SPOPL: variants seen among roughly 807,000 people sequenced by gnomAD.
SPOPL encodes speckle type BTB/POZ protein like, also known as speckle-type POZ protein-like.
SPOPL carries 23 observed loss-of-function variants against 53.8 expected under a neutral mutation model. That is an observed-to-expected ratio of 0.43 (90% confidence interval 0.31 to 0.61). SPOPL has a LOEUF of 0.61. Among genes scored for constraint, SPOPL ranks in the 20% least tolerant of loss-of-function variants. The probability of loss-of-function intolerance (pLI) is 0.12; values close to 1 mark genes in which losing one functional copy is unlikely to be tolerated. For synonymous variants in SPOPL, 164 were observed against 149.7 expected (o/e 1.10, Z -0.70); for missense variants, 442 against 466.9 (o/e 0.95, Z 0.49).
intron 1 of SPOPL, among the ~76,000 whole-genome samples, chr2:138,535,506 G>A (rs1048456158): frequency 5.5e-5 from 8 of 146,592 alleles, no homozygotes; most frequent in Admixed American, 2.0e-4. Flanking sequence ...CCTCGTCAAT[G>A]CAGGTGATTC....
intron 1 of SPOPL, among the ~76,000 whole-genome samples, chr2:138,538,531 C>T (rs1573889692): frequency 6.6e-6 from 1 of 152,302 alleles, no homozygotes; most frequent in Admixed American, 6.5e-5. Flanking sequence ...CTCTCTTCTG[C>T]ATGAAATACC....
intron 1 of SPOPL, among the ~76,000 whole-genome samples, chr2:138,503,942 GTCT>G (rs1684160179): frequency 6.6e-6 from 1 of 152,136 alleles, no homozygotes; most frequent in Admixed American, 6.5e-5. Flanking sequence ...ATATTCACAT[GTCT>G]TCTTGGCTTG....
At position 138,546,660 on chromosome 2, in the gene SPOPL, A is replaced by C. The variant is rs1206883302; in HGVS notation, c.-60-3497A>C. 2.0e-5 allele frequency among the ~76,000 whole-genome samples: 3 copies of C among 152,234 alleles called. No homozygotes were observed. The East Asian group carries it at 5.8e-4, about 29-fold the overall frequency. ...TAAGTTTTGTAAAATATGGAAGGGC[A>C]GCATGATTCTATGGAAAGAGCATTG... is the stretch of plus-strand genomic sequence containing the variant. On this transcript the variant is annotated intron_variant, in intron 1 of 10. Coordinates refer to ENST00000280098, the MANE Select transcript of SPOPL (RefSeq NM_001001664.3).
At chr2:138,518,610 C>G (rs1684495440) in intron 1 of SPOPL, among the ~76,000 whole-genome samples, 1 of 152,162 alleles carries the variant, frequency 6.6e-6, no homozygotes, top group Non-Finnish European at 1.5e-5. Context: ...AGATATAGAT[C>G]ATTTCCATTA....
chr2:138,521,365 C>CTT (rs58220797), intron 1 of SPOPL, among the ~76,000 whole-genome samples: 19 of 134,796 alleles, frequency 1.4e-4, no homozygotes, highest in African/African-American at 4.3e-4. Context: ...GACCCCAGAG[C>CTT]TTTTTTTTTT....
At chr2:138,526,679 G>A (rs1353363868) in intron 1 of SPOPL, among the ~76,000 whole-genome samples, 1 of 151,060 alleles carries the variant, frequency 6.6e-6, no homozygotes, top group African/African-American at 2.4e-5. Context: ...AGTATGTGTT[G>A]TCTGAAAATG....
In SPOPL at chr2:138,570,920, C is replaced by A. The variant is rs1251307544; in HGVS notation, c.*1840C>A. The stretch of plus-strand genomic sequence containing the variant: ...TCATTACTTTCTATGTAGTTTCATT[C>A]TTTGTCGTGGTAACTTAAATTTGAA... On this transcript the variant is annotated 3_prime_UTR_variant, in exon 11 of 11. Coordinates refer to ENST00000280098, the MANE Select transcript of SPOPL (RefSeq NM_001001664.3). 6.6e-6 allele frequency: 1 copy of A among 152,038 alleles called. No homozygotes were observed. The highest frequency in any genetic ancestry group is 1.5e-5 in the Non-Finnish European group (1 of 67,978). 9.4% of individuals were successfully genotyped at this position (152,038 alleles called of 1,614,324 possible). A position where few individuals can be genotyped will look rare whatever the true frequency, so the allele number is the denominator to read the frequency against.
At chr2:138,528,992 G>A (rs750928221) in intron 1 of SPOPL, among the ~76,000 whole-genome samples, 3 of 152,114 alleles carry the variant, frequency 2.0e-5, no homozygotes, top group African/African-American at 4.8e-5. Context: ...TGTTCTCATC[G>A]TTTTTAAATT....
intron 8 of SPOPL, 123 bp from the exon 9 acceptor site, chr2:138,564,585 G>A: frequency 8.8e-7 from 1 of 1,137,442 alleles, no homozygotes; most frequent in African/African-American, 1.6e-5. Flanking sequence ...GTAACTTAAA[G>A]AATTTTAAAA....
At chr2:138,546,900 A>G (rs1410156206) in intron 1 of SPOPL, among the ~76,000 whole-genome samples, 3 of 152,208 alleles carry the variant, frequency 2.0e-5, no homozygotes, top group African/African-American at 7.2e-5. Context: ...ACATCCTTTG[A>G]AGTAAAGCTG....
rs921794544 is a variant in SPOPL at position 138,569,758 on chromosome 2, T to C, written c.*678T>C. On this transcript the variant is annotated 3_prime_UTR_variant, in exon 11 of 11. Transcript: ENST00000280098. The stretch of plus-strand genomic sequence containing the variant: ...TTCTAAGTTTACAATTATTGAGAAC[T>C]GATTGAGGTTAAGATTTCATGAAGA... 3.9e-5 allele frequency: 6 copies of C among 152,520 alleles called. No homozygotes were observed. Among genetic ancestry groups the C allele is most frequent in the Non-Finnish European group, 7.3e-5 (5 of 68,032 alleles). 9.4% of individuals were successfully genotyped at this position (152,520 alleles called of 1,614,324 possible). A position where few individuals can be genotyped will look rare whatever the true frequency, so the allele number is the denominator to read the frequency against.
At chr2:138,568,244 CAAACCTTA>C (rs535178906) in intron 10 of SPOPL, among the ~76,000 whole-genome samples, 4 of 152,204 alleles carry the variant, frequency 2.6e-5, no homozygotes, top group Admixed American at 2.0e-4. Flanking sequence ...TGAAGCCTTT[CAAACCTTA>C]AAATAAGGTT....
chr2:138,539,172 C>T (rs1685006162), intron 1 of SPOPL, among the ~76,000 whole-genome samples: 1 of 152,134 alleles, frequency 6.6e-6, no homozygotes, highest in Non-Finnish European at 1.5e-5. Context: ...GGGTTGGTTC[C>T]AAGTCTTTGC....
At chr2:138,539,528 G>T (rs990404005) in intron 1 of SPOPL, among the ~76,000 whole-genome samples, 43 of 152,248 alleles carry the variant, frequency 2.8e-4, no homozygotes, top group African/African-American at 6.0e-4. Flanking sequence ...TCATGTGTCT[G>T]TTGGCTGCAT....
At chr2:138,504,303 T>C (rs1684168178) in intron 1 of SPOPL, among the ~76,000 whole-genome samples, 1 of 152,244 alleles carries the variant, frequency 6.6e-6, no homozygotes, top group Admixed American at 6.5e-5. Flanking sequence ...CTCTTTCTCC[T>C]GTATATCCAG....
chr2:138,548,888 C>G (rs1340169489), intron 1 of SPOPL, among the ~76,000 whole-genome samples: 1 of 152,066 alleles, frequency 6.6e-6, no homozygotes, highest in Non-Finnish European at 1.5e-5. Context: ...ATTTAATTAA[C>G]TATGAATTTG....
chr2:138,536,343 C>CA (rs68154023), intron 1 of SPOPL, among the ~76,000 whole-genome samples: 33,907 of 149,800 alleles, frequency 0.23, 4,278 homozygotes, highest in Admixed American at 0.34. Flanking sequence ...TAGTGCCCCC[C>CA]CCCCACACAC....
intron 1 of SPOPL, among the ~76,000 whole-genome samples, chr2:138,548,873 C>A (rs1200392508): frequency 6.6e-6 from 1 of 152,068 alleles, no homozygotes; most frequent in Non-Finnish European, 1.5e-5. Flanking sequence ...TCTTTCAGTA[C>A]ATTTATTTAA....
chr2:138,559,210 G>A lies in SPOPL; in HGVS notation c.658+11G>A, dbSNP rs116624307. The A allele has an allele frequency of 2.5e-6, 4 of 1,612,534 alleles. No homozygotes were observed. On this transcript the variant is annotated intron_variant, in intron 6 of 10. Transcript: ENST00000280098. The stretch of plus-strand genomic sequence containing the variant: ...AATCTGTGCTTGCAGGTACTTTCTA[G>A]TTATGGGGTAATATAGTACATTTAA...
Sources: gnomAD v4.1 joint callset for allele counts (sites outside exome capture counted in the v4.1 genomes callset) on GRCh38, gnomAD v4.1.1 for gene constraint, MANE v1.5 for transcripts, NCBI Gene and HGNC (gene_info 2026-07-23, HGNC 2026-07-21) for gene names.